Variants in FUS observed in about 807,000 individuals in gnomAD.
The protein encoded by FUS is FUS RNA binding protein, also known as RNA-binding protein FUS.
In FUS, 5 loss-of-function variants were observed where a neutral mutation model predicts 82.7. The ratio of observed to expected loss-of-function variants is 0.06; its 90% CI spans 0.03 to 0.13. The LOEUF (loss-of-function observed/expected upper bound fraction) is 0.13. FUS is among the 10% of genes least tolerant of loss of function. FUS has a pLI of 1.00. For missense variants in FUS, 512 were observed against 707.8 expected (o/e 0.72, Z 3.14); for synonymous variants, 281 against 247.4 (o/e 1.14, Z -1.27).
At chr16:31,188,601 A>C in intron 8 of FUS, 1 of 588,764 alleles carries the variant, frequency 1.7e-6, no homozygotes, top group Non-Finnish European at 3.0e-6. Context: ...CTACCTTTCT[A>C]ACAAGTCCCC....
chr16:31,194,001 C>T (rs2079392681), downstream of FUS: 1 of 532,550 alleles, frequency 1.9e-6, no homozygotes, highest in African/African-American at 1.9e-5. Context: ...ATTAGGTGTC[C>T]CATTTTTGTG....
chr16:31,186,522 A>C, intron 6 of FUS: 1 of 525,812 alleles, frequency 1.9e-6, no homozygotes, highest in Admixed American at 3.2e-5. Context: ...CATCGGAAGA[A>C]CGACCAAGGA....
rs1417247572 is a variant in FUS at position 31,183,988 on chromosome 16, C to T, written c.321C>T (p.Ser107=). Residue 107 remains serine (S), a synonymous_variant, in exon 4 of 15, where the codon AGC becomes AGT. Coordinates refer to ENST00000254108, the MANE Select transcript of FUS (RefSeq NM_004960.4). ...YPGYGQQPAP[S]STSGSYGSSS... is the part of the protein sequence containing the mutation. ...GCTATGGCCAGCAGCCAGCTCCCAG[C>T]AGCACCTCGGGAAGGTACGGTGGTG... is the stretch of plus-strand genomic sequence containing the variant. 1.2e-6 allele frequency: 2 copies of T among 1,614,144 alleles called. No homozygotes were observed. The highest frequency in any genetic ancestry group is 1.7e-5 in the Admixed American group (1 of 60,016).
chr16:31,188,724 A>G, intron 8 of FUS: 1 of 473,228 alleles, frequency 2.1e-6, no homozygotes, highest in East Asian at 3.7e-5. Context: ...TGACCACATG[A>G]AGTAAAGCAT....
intron 1 of FUS, among the ~76,000 whole-genome samples, chr16:31,181,155 T>C (rs541600353): frequency 6.6e-6 from 1 of 152,222 alleles, no homozygotes; most frequent in East Asian, 1.9e-4. Flanking sequence ...CCTCAGGTGA[T>C]CCGCCCGCCT....
chr16:31,192,492 G>A (rs776846909), downstream of FUS: 7 of 516,266 alleles, frequency 1.4e-5, no homozygotes, highest in South Asian at 1.1e-4. Context: ...TTGTAAGACA[G>A]CTGCCATCAC....
At chr16:31,192,694 C>T (rs367592148), downstream of FUS, 14 of 481,894 alleles carry the variant, frequency 2.9e-5, no homozygotes, top group East Asian at 3.5e-4. Context: ...ATCCCAGCTT[C>T]TGAGTAGCTG....
At chr16:31,185,331 A>G (rs748464364) in intron 6 of FUS, 152 bp downstream of exon 6, 3 of 910,116 alleles carry the variant, frequency 3.3e-6, no homozygotes, top group African/African-American at 3.4e-5. Flanking sequence ...CTTTCTTTTT[A>G]CATCCCCATT....
chr16:31,188,100 G>C (rs961192455), intron 7 of FUS: 6 of 594,834 alleles, frequency 1.0e-5, no homozygotes, highest in South Asian at 2.0e-5. Flanking sequence ...AGTTGTCTCT[G>C]TGGAGACTCA....
downstream of FUS, chr16:31,192,255 G>A (rs1036505213): frequency 1.9e-6 from 1 of 526,348 alleles, no homozygotes; most frequent in African/African-American, 1.9e-5. Flanking sequence ...TTTTTGATTG[G>A]AGGGTGGAAG....
intron 5 of FUS, 45 bp downstream of exon 5, chr16:31,184,441 T>TC: frequency 1.6e-6 from 2 of 1,219,282 alleles, no homozygotes; most frequent in Non-Finnish European, 1.1e-6. Context: ...TCTTTTTCTT[T>TC]TTTTTTTTTT....
At chr16:31,192,583 C>T (rs867547137), downstream of FUS, 10 of 479,824 alleles carry the variant, frequency 2.1e-5, no homozygotes, top group Non-Finnish European at 3.6e-5. Context: ...TTTTTAGAGA[C>T]AGAGTCTTGC....
Position 31,190,035 on chromosome 16 carries a change from T to C in FUS, c.1067-5T>C, listed in dbSNP as rs780265649. ...AAGTCTGTTGATGATTTTTTGTTTC[T>C]CTAGGTAAAGAATTCTCCGGAAATC... On this transcript the variant is annotated splice_region_variant and splice_polypyrimidine_tract_variant and intron_variant, in intron 10 of 14. Coordinates refer to ENST00000254108, the MANE Select transcript of FUS (RefSeq NM_004960.4). 9 of 1,609,108 alleles carry C rather than the reference T, an allele frequency of 5.6e-6. No homozygotes were observed. In the Admixed American group the frequency reaches 1.4e-4, roughly 24 times the overall value.
chr16:31,192,589 CT>C, downstream of FUS: 1 of 492,190 alleles, frequency 2.0e-6, no homozygotes, highest in Non-Finnish European at 4.0e-6. Context: ...GAGACAGAGT[CT>C]TGCTCTGTCA....
In FUS at chr16:31,184,941, A is replaced by G; in HGVS notation, c.526A>G (p.Asn176Asp). Reference protein sequence around the residue: ...GGGGGGGGGGNYGQDQSSMSS... With the variant: ...GGGGGGGGGGDYGQDQSSMSS... Reference sequence around the variant, plus strand: ...AATCATTCTTTCTTTTCTCACAGGTAACTATGGCCAAGATCAATCCTCCAT... The same window carrying G: ...AATCATTCTTTCTTTTCTCACAGGTGACTATGGCCAAGATCAATCCTCCAT... Residue 176 changes from asparagine (N) to aspartate (D), a missense_variant and splice_region_variant, in exon 6 of 15, where the codon AAC becomes GAC. Around this residue, in one of 6 missense-constraint regions of FUS, gnomAD observed 276 missense variants for 303.3 expected, o/e 0.91. Transcript: ENST00000254108. 1 of 1,613,046 alleles carries G rather than the reference A, an allele frequency of 6.2e-7. No individual in the cohort carries two copies. The highest frequency in any genetic ancestry group is 8.5e-7 in the Non-Finnish European group (1 of 1,179,718).
chr16:31,186,658 C>T (rs922246739), intron 6 of FUS, 144 bp from the exon 7 acceptor site: 4 of 736,824 alleles, frequency 5.4e-6, no homozygotes, highest in African/African-American at 1.7e-5. Flanking sequence ...AAGGGGTGGT[C>T]AGGAAGGGAT....
rs753223664 is a variant in FUS at position 31,191,456 on chromosome 16, G to A, written c.*18G>A. 1.2e-6 allele frequency: 2 copies of A among 1,613,534 alleles called. No homozygotes were observed. Among genetic ancestry groups the A allele is most frequent in the South Asian group, 1.1e-5 (1 of 91,056 alleles). The stretch of plus-strand genomic sequence containing the variant: ...CGTATTAATTAGCCTGGCTCCCCAG[G>A]TTCTGGAACAGCTTTTTGTCCTGTA... On this transcript the variant is annotated 3_prime_UTR_variant, in exon 15 of 15. Coordinates refer to ENST00000254108, the MANE Select transcript of FUS (RefSeq NM_004960.4).
In FUS at chr16:31,188,476, A is replaced by T. The variant is rs910090993; in HGVS notation, c.832+119A>T. 2.9e-6 allele frequency: 3 copies of T among 1,039,394 alleles called. No homozygotes were observed. In the African/African-American group the frequency reaches 4.7e-5, roughly 16 times the overall value. The allele number at this position is 1,039,394 out of a possible 1,614,324, so 64.4% of individuals were successfully genotyped here. A position where few individuals can be genotyped will look rare whatever the true frequency, so the allele number is the denominator to read the frequency against. On this transcript the variant is annotated intron_variant, in intron 8 of 14. Transcript: ENST00000254108. The stretch of plus-strand genomic sequence containing the variant: ...AAAAATGGGGATAGAGAAGGAAGGG[A>T]GTTAGGTGTGTCCTTAGTTAGCAGT...
Position 31,182,197 on chromosome 16 carries a change from G to A in FUS, c.14-201G>A, listed in dbSNP as rs72550887. On this transcript the variant is annotated intron_variant, in intron 1 of 14. Transcript: ENST00000254108. ...TTAGAGATGGGGCTTCACCATGTTG[G>A]TCAGGCCAGTCTCGAATTCCTGACC... 27 of 645,270 alleles carry A rather than the reference G, an allele frequency of 4.2e-5. No individual in the cohort carries two copies. In the African/African-American group the frequency reaches 4.7e-4, roughly 11 times the overall value. 40.0% of individuals were successfully genotyped at this position (645,270 alleles called of 1,614,324 possible).
Sources: gnomAD v4.1 joint callset for allele counts (sites outside exome capture counted in the v4.1 genomes callset) on GRCh38, gnomAD v4.1.1 for gene constraint, gnomAD v4.1.1 regional missense constraint, MANE v1.5 for transcripts, NCBI Gene and HGNC (gene_info 2026-07-23, HGNC 2026-07-21) for gene names.